THSD7B: variants seen among roughly 807,000 people sequenced by gnomAD.
The protein encoded by THSD7B is thrombospondin type-1 domain-containing protein 7B.
THSD7B carries 138 observed loss-of-function variants against 213.6 expected under a neutral mutation model. The ratio of observed to expected loss-of-function variants is 0.65; its 90% confidence interval spans 0.56 to 0.74. The LOEUF is 0.74. Ranked by LOEUF, THSD7B falls within the 30% of genes least tolerant of loss-of-function variation. The pLI, the probability that THSD7B is intolerant of heterozygous loss-of-function variation, is 0.00. For missense variants in THSD7B, 1,931 were observed against 1,991.5 expected (o/e 0.97, Z 0.58); for synonymous variants, 742 against 687.0 (o/e 1.08, Z -1.25).
chr2:137,420,436 C>A (rs1045604020), intron 14 of THSD7B, among the ~76,000 whole-genome samples: 1 of 152,170 alleles, frequency 6.6e-6, no homozygotes, highest in Admixed American at 6.5e-5. Context: ...TCTTGCCCGG[C>A]AGCCCTTTCC....
intron 1 of THSD7B, among the ~76,000 whole-genome samples, chr2:136,770,584 G>C (rs1681486673): frequency 6.6e-6 from 1 of 152,126 alleles, no homozygotes; most frequent in Admixed American, 6.6e-5. Flanking sequence ...GAGCCACTGG[G>C]TGTCACCCAC....
intron 17 of THSD7B, among the ~76,000 whole-genome samples, chr2:137,608,363 CT>C (rs200191662): frequency 0.059 from 8,433 of 142,620 alleles, 305 homozygotes; most frequent in Middle Eastern, 0.12. Flanking sequence ...CTCTGTGGTG[CT>C]TTTTTTTTTT....
At chr2:137,397,443 T>C (rs909853815) in intron 12 of THSD7B, among the ~76,000 whole-genome samples, 3 of 152,042 alleles carry the variant, frequency 2.0e-5, no homozygotes, top group African/African-American at 7.2e-5. Flanking sequence ...TGGCTGGATA[T>C]GAAATTCTGG....
intron 2 of THSD7B, among the ~76,000 whole-genome samples, chr2:136,887,415 A>C (rs1471542348): frequency 6.6e-6 from 1 of 151,948 alleles, no homozygotes; most frequent in Non-Finnish European, 1.5e-5. Context: ...GTCTCACATT[A>C]CAATGTAATC....
At chr2:137,147,378 C>T (rs1679723713) in intron 5 of THSD7B, among the ~76,000 whole-genome samples, 1 of 151,914 alleles carries the variant, frequency 6.6e-6, no homozygotes, top group Admixed American at 6.6e-5. Context: ...GCTGAGTTAA[C>T]TTGTTTAGTC....
rs374155838 is a variant in THSD7B, at chr2:137,534,491, G to A, written c.3139-28730G>A. Among the ~76,000 whole-genome samples, 7 of 151,684 alleles carry A rather than the reference G, an allele frequency of 4.6e-5. No individual in the cohort carries two copies. The East Asian group carries it at 5.9e-4, about 13-fold the overall frequency. On this transcript the variant is annotated intron_variant, in intron 15 of 27. Coordinates refer to ENST00000409968, the MANE Select transcript of THSD7B (RefSeq NM_001316349.2). Reference sequence around the variant, plus strand: ...CAGGTTCTCTGAGGAAAGAGAAAGTGCACTTAAGTTTTTCTTTGTATCATT... The same window carrying A: ...CAGGTTCTCTGAGGAAAGAGAAAGTACACTTAAGTTTTTCTTTGTATCATT...
chr2:137,135,988 G>A (rs1297794079), intron 5 of THSD7B, among the ~76,000 whole-genome samples: 1 of 151,838 alleles, frequency 6.6e-6, no homozygotes, highest in East Asian at 1.9e-4. Flanking sequence ...AAGGATGCGT[G>A]CATGTCCTTT....
intron 12 of THSD7B, among the ~76,000 whole-genome samples, chr2:137,313,513 G>C (rs982384206): frequency 1.3e-5 from 2 of 151,172 alleles, no homozygotes; most frequent in African/African-American, 4.9e-5. Flanking sequence ...TACATTTAAA[G>C]TTAATATTGT....
chr2:137,364,972 A>G (rs1016825222), intron 12 of THSD7B, among the ~76,000 whole-genome samples: 1 of 152,128 alleles, frequency 6.6e-6, no homozygotes. Context: ...GAGGCATCAC[A>G]CTACCTGACT....
At chr2:137,338,499 C>T (rs1322470827) in intron 12 of THSD7B, among the ~76,000 whole-genome samples, 2 of 151,952 alleles carry the variant, frequency 1.3e-5, no homozygotes, top group African/African-American at 2.4e-5. Flanking sequence ...AAAACATATA[C>T]CTAGTGTTGA....
chr2:137,637,465 C>T (rs17693504), intron 20 of THSD7B, among the ~76,000 whole-genome samples: 18,059 of 152,134 alleles, frequency 0.12, 1,242 homozygotes, highest in South Asian at 0.22. Flanking sequence ...AAGTTTAACA[C>T]GAACCAATTA....
intron 15 of THSD7B, among the ~76,000 whole-genome samples, chr2:137,486,022 T>A (rs1057096257): frequency 3.3e-5 from 5 of 152,190 alleles, no homozygotes; most frequent in African/African-American, 1.2e-4. Context: ...GAACAACCGG[T>A]ACCAGCCGCT....
Position 137,465,158 on chromosome 2 carries a change from G to A in THSD7B, c.3138+14135G>A, listed in dbSNP as rs116117921. The stretch of plus-strand genomic sequence containing the variant: ...TCCTTTTTTCTACCACTGCTACCAA[G>A]TATAGTTTTGTTTGTCTGAAACTAG... On this transcript the variant is annotated intron_variant, in intron 15 of 27. Transcript: ENST00000409968. 9.4e-3 allele frequency among the ~76,000 whole-genome samples: 1,429 copies of A among 151,842 alleles called. 22 individuals are homozygous for A. Among genetic ancestry groups the A allele is most frequent in the African/African-American group, 0.033 (1,358 of 41,422 alleles).
intron 1 of THSD7B, among the ~76,000 whole-genome samples, chr2:136,793,542 A>G (rs537120373): frequency 1.3e-5 from 2 of 152,150 alleles, no homozygotes; most frequent in Admixed American, 6.6e-5. Flanking sequence ...TTGATACACC[A>G]AAACTCACAG....
At chr2:137,290,691 A>G (rs1462189541) in intron 12 of THSD7B, among the ~76,000 whole-genome samples, 6 of 152,180 alleles carry the variant, frequency 3.9e-5, no homozygotes, top group African/African-American at 9.6e-5. Flanking sequence ...CTGAACACCA[A>G]TCACCTTAGA....
intron 27 of THSD7B, 108 bp downstream of exon 27, chr2:137,667,969 T>C (rs1683483776): frequency 2.5e-6 from 2 of 808,744 alleles, no homozygotes; most frequent in African/African-American, 1.8e-5. Flanking sequence ...GATTCTTGAG[T>C]CCAAAAATTA....
At chr2:136,772,586 T>G (rs181431047) in intron 1 of THSD7B, among the ~76,000 whole-genome samples, 1 of 152,274 alleles carries the variant, frequency 6.6e-6, no homozygotes, top group Admixed American at 6.5e-5. Flanking sequence ...AAGCATTAGT[T>G]TTTGAAATTA....
chr2:136,787,323 A>T (rs902096821), intron 1 of THSD7B, among the ~76,000 whole-genome samples: 7 of 151,906 alleles, frequency 4.6e-5, no homozygotes, highest in African/African-American at 1.7e-4. Context: ...AAGTTTTATG[A>T]GCTCTGACAA....
chr2:137,573,700 C>G (rs1050244503), intron 17 of THSD7B, among the ~76,000 whole-genome samples: 4 of 152,152 alleles, frequency 2.6e-5, no homozygotes, highest in East Asian at 3.9e-4. Context: ...AGTACTCGTA[C>G]TAATCCTATT....
Sources: gnomAD v4.1 joint callset for allele counts (sites outside exome capture counted in the v4.1 genomes callset) on GRCh38, gnomAD v4.1.1 for gene constraint, MANE v1.5 for transcripts, NCBI Gene and HGNC (gene_info 2026-07-23, HGNC 2026-07-21) for gene names.